Variants in SAMMSON observed in about 807,000 individuals in gnomAD.
The protein encoded by SAMMSON is long intergenic non-protein coding RNA 1212.
intron 4 of SAMMSON, among the ~76,000 whole-genome samples, chr3:70,218,823 C>T (rs548260264): frequency 6.6e-6 from 1 of 152,112 alleles, no homozygotes; most frequent in Non-Finnish European, 1.5e-5. Flanking sequence ...TGGCGAAAGA[C>T]CTACAGTTTG....
chr3:70,172,252 A>C (rs1219084893), intron 4 of SAMMSON: 1 of 143,366 alleles, frequency 7.0e-6, no homozygotes, highest in East Asian at 2.0e-4. Flanking sequence ...CCAAATTGTT[A>C]TTTTGTTTCA....
At chr3:70,141,013 GT>G (rs369872268) in intron 4 of SAMMSON, among the ~76,000 whole-genome samples, 1 of 151,184 alleles carries the variant, frequency 6.6e-6, no homozygotes, top group Non-Finnish European at 1.5e-5. Context: ...GGCAATGTAG[GT>G]TTTTTTTTGT....
At chr3:70,079,250 C>T (rs1265788225) in intron 4 of SAMMSON, among the ~76,000 whole-genome samples, 1 of 152,132 alleles carries the variant, frequency 6.6e-6, no homozygotes, top group Non-Finnish European at 1.5e-5. Context: ...GCTGGAATCA[C>T]CCAAAACTTG....
At chr3:70,379,048 C>T (rs2106750683) in intron 9 of SAMMSON, among the ~76,000 whole-genome samples, 1 of 150,578 alleles carries the variant, frequency 6.6e-6, no homozygotes, top group East Asian at 1.9e-4. Context: ...GAGTCTCACT[C>T]TGTCGCCCAG....
At chr3:70,192,023 T>A (rs1701134437) in intron 4 of SAMMSON, among the ~76,000 whole-genome samples, 1 of 152,022 alleles carries the variant, frequency 6.6e-6, no homozygotes, top group African/African-American at 2.4e-5. Context: ...AAAATAAAAA[T>A]TATGTAGAGA....
chr3:70,370,777 C>G (rs1049522442), intron 9 of SAMMSON, among the ~76,000 whole-genome samples: 1 of 152,058 alleles, frequency 6.6e-6, no homozygotes, highest in African/African-American at 2.4e-5. Context: ...TGTGTCTTCA[C>G]TCTTAATAAT....
intron 4 of SAMMSON, among the ~76,000 whole-genome samples, chr3:70,215,447 A>G (rs906973549): frequency 6.6e-6 from 1 of 152,028 alleles, no homozygotes; most frequent in African/African-American, 2.4e-5. Context: ...CTGGTATTTG[A>G]TTAGGAGGTA....
chr3:70,378,960 T>G (rs1274786830), intron 9 of SAMMSON, among the ~76,000 whole-genome samples: 1 of 151,850 alleles, frequency 6.6e-6, no homozygotes, highest in Non-Finnish European at 1.5e-5. Context: ...TTCCAAACAT[T>G]GCAGGGGTAT....
At chr3:70,003,965 TTTTC>T (rs1290842488) in intron 1 of SAMMSON, among the ~76,000 whole-genome samples, 7 of 152,052 alleles carry the variant, frequency 4.6e-5, no homozygotes, top group African/African-American at 7.2e-5. Context: ...TTACTATCTT[TTTTC>T]TTTCTTCTCT....
chr3:70,267,639 ACCT>A (rs1701932062), intron 6 of SAMMSON, among the ~76,000 whole-genome samples: 1 of 135,178 alleles, frequency 7.4e-6, no homozygotes, highest in African/African-American at 2.8e-5. Flanking sequence ...AATGGTCTTG[ACCT>A]CCTGACCTCG....
At chr3:70,059,261 G>C (rs969629002) in intron 3 of SAMMSON, among the ~76,000 whole-genome samples, 5 of 152,086 alleles carry the variant, frequency 3.3e-5, no homozygotes, top group African/African-American at 1.2e-4. Context: ...AAGCATTTTA[G>C]ATAGAGATCA....
At chr3:70,223,567 A>C (rs1701478624) in intron 4 of SAMMSON, among the ~76,000 whole-genome samples, 1 of 152,136 alleles carries the variant, frequency 6.6e-6, no homozygotes, top group Non-Finnish European at 1.5e-5. Context: ...CCCACCAAAA[A>C]TGAGAACTTG....
At chr3:70,247,634 A>T (rs1701720067) in intron 4 of SAMMSON, among the ~76,000 whole-genome samples, 1 of 151,982 alleles carries the variant, frequency 6.6e-6, no homozygotes, top group African/African-American at 2.4e-5. Flanking sequence ...TTCAGAATTT[A>T]TGACTCTAAT....
At chr3:70,337,436 T>G (rs1027593583) in intron 7 of SAMMSON, among the ~76,000 whole-genome samples, 5 of 151,764 alleles carry the variant, frequency 3.3e-5, no homozygotes, top group Non-Finnish European at 7.4e-5. Context: ...TTGTATATTC[T>G]GCTTGATGGC....
intron 4 of SAMMSON, among the ~76,000 whole-genome samples, chr3:70,203,062 C>T (rs1442926536): frequency 6.6e-6 from 1 of 152,028 alleles, no homozygotes; most frequent in African/African-American, 2.4e-5. Context: ...CATTTCTGAG[C>T]TGCTGAAGCA....
intron 7 of SAMMSON, among the ~76,000 whole-genome samples, chr3:70,314,042 G>C (rs1038821147): frequency 2.6e-5 from 4 of 152,036 alleles, no homozygotes; most frequent in African/African-American, 7.2e-5. Flanking sequence ...TACCTTGAAG[G>C]CTTCTTCATC....
At chr3:70,239,300 T>C (rs1465410347) in intron 4 of SAMMSON, among the ~76,000 whole-genome samples, 1 of 152,202 alleles carries the variant, frequency 6.6e-6, no homozygotes, top group African/African-American at 2.4e-5. Context: ...CACAGTTTCT[T>C]TCTTGCCCAA....
chr3:70,395,953 T>G (rs1018997676), intron 2 of SAMMSON, among the ~76,000 whole-genome samples: 1 of 152,170 alleles, frequency 6.6e-6, no homozygotes, highest in Non-Finnish European at 1.5e-5. Flanking sequence ...TGTGAATTCA[T>G]GCCTCTAAGC....
Position 70,328,958 on chromosome 3 carries a change from T to C in SAMMSON, n.740-25217T>C, listed in dbSNP as rs575832529. On this transcript the variant is annotated intron_variant and non_coding_transcript_variant, in intron 7 of 9. Transcript: ENST00000642114. ...GACACATTACACAGAATAAAAAAGA[T>C]AAATGACAACAGACAGTAGCCATCT... 1.5e-4 allele frequency among the ~76,000 whole-genome samples: 23 copies of C among 152,240 alleles called. 1 individual carries two copies. The highest frequency in any genetic ancestry group is 4.8e-4 in the African/African-American group (20 of 41,564).
Sources: allele counts gnomAD v4.1 joint callset (sites outside exome capture counted in the v4.1 genomes callset), GRCh38; gene constraint gnomAD v4.1.1; transcripts MANE v1.5; gene names NCBI Gene and HGNC (gene_info 2026-07-23, HGNC 2026-07-21).